TRHDE: variants seen among roughly 807,000 people sequenced by gnomAD.
The protein encoded by TRHDE is thyrotropin releasing hormone degrading enzyme.
TRHDE carries 72 observed loss-of-function variants against 125.7 expected under a neutral mutation model. The observed-to-expected ratio is 0.57, with a 90% CI of 0.47 to 0.70. TRHDE has a LOEUF of 0.70. Among genes scored for constraint, TRHDE ranks in the 30% least tolerant of loss-of-function variants. The pLI, the probability that TRHDE is intolerant of heterozygous loss-of-function variation, is 0.00. For synonymous variants in TRHDE, 509 were observed against 509.1 expected, an observed-to-expected ratio of 1.00 and a Z score of 0.00; for missense variants, 1,110 against 1,327.1, an observed-to-expected ratio of 0.84 and a Z score of 2.54.
intron 1 of TRHDE, among the ~76,000 whole-genome samples, chr12:72,100,938 A>C (rs1453939748): frequency 6.6e-6 from 1 of 152,230 alleles, no homozygotes; most frequent in East Asian, 1.9e-4. Context: ...ATTCATTAGA[A>C]GGCATATTCT....
intron 2 of TRHDE, chr12:72,306,639 A>G (rs917656655): frequency 2.6e-5 from 4 of 152,134 alleles, no homozygotes; most frequent in Non-Finnish European, 5.9e-5. Context: ...ACCAATATTT[A>G]CTTAAATTTT....
In TRHDE at chr12:72,186,630, ATT is replaced by A. The variant is rs34530986; in HGVS notation, n.279+80890_279+80891del. 1.5e-3 allele frequency: 225 copies of A among 151,468 alleles called. 1 individual carries two copies. Among genetic ancestry groups the A allele is most frequent in the African/African-American group, 4.3e-3 (177 of 40,748 alleles). The allele number at this position is 151,468 out of a possible 1,614,324, so 9.4% of individuals were successfully genotyped here. On this transcript the variant is annotated intron_variant and non_coding_transcript_variant, in intron 2 of 4. Transcript: ENST00000548156. Reference sequence around the variant, plus strand: ...ATTTCACTGAAGAAGCAAGGTAAGGATTTTTTTTTTTTTCATAGACAACACAG... The same window carrying A: ...ATTTCACTGAAGAAGCAAGGTAAGGATTTTTTTTTTTCATAGACAACACAG...
At chr12:72,262,319 T>C (rs910789115) in intron 2 of TRHDE, among the ~76,000 whole-genome samples, 2 of 152,168 alleles carry the variant, frequency 1.3e-5, no homozygotes, top group African/African-American at 4.8e-5. Context: ...CTAGAGGGTA[T>C]AGCTCCTGCT....
chr12:72,212,782 T>C (rs554125401), intron 2 of TRHDE, among the ~76,000 whole-genome samples: 5 of 152,252 alleles, frequency 3.3e-5, no homozygotes, highest in South Asian at 2.1e-4. Flanking sequence ...GGCAGTTCCT[T>C]AAAATGCTAA....
At chr12:72,360,656 A>T (rs1470615433) in intron 2 of TRHDE, among the ~76,000 whole-genome samples, 1 of 151,774 alleles carries the variant, frequency 6.6e-6, no homozygotes. Flanking sequence ...TTTGAAGAGA[A>T]ATGGATAATA....
At chr12:72,117,527 T>C (rs1001038327) in intron 2 of TRHDE, among the ~76,000 whole-genome samples, 4 of 152,164 alleles carry the variant, frequency 2.6e-5, no homozygotes, top group African/African-American at 9.6e-5. Context: ...TCCAGTTTTG[T>C]TATTTTTGTT....
At chr12:72,520,618 G>T (rs1251894737) in intron 6 of TRHDE, among the ~76,000 whole-genome samples, 1 of 152,162 alleles carries the variant, frequency 6.6e-6, no homozygotes, top group Non-Finnish European at 1.5e-5. Context: ...TGCTCACGCT[G>T]GGAGCTGTAG....
chr12:72,509,658 T>G lies in TRHDE; in HGVS notation c.1722+10023T>G, dbSNP rs571050629. 6.0e-4 allele frequency among the ~76,000 whole-genome samples: 92 copies of G among 152,328 alleles called. 1 individual carries two copies. The highest frequency in any genetic ancestry group is 2.4e-3 in the Admixed American group (36 of 15,300). ...ACACCTTCAGTCTTTTTCCCACTCA[T>G]TTTTCTTAATCTGATCCTATTATGT... On this transcript the variant is annotated intron_variant, in intron 6 of 18. Transcript: ENST00000261180.
chr12:72,140,441 T>C (rs1876087163), intron 2 of TRHDE: 1 of 152,130 alleles, frequency 6.6e-6, no homozygotes, highest in African/African-American at 2.4e-5. Context: ...GTATCTTATA[T>C]GTATTGATTG....
chr12:72,212,256 G>A (rs1224246848), intron 2 of TRHDE, among the ~76,000 whole-genome samples: 2 of 151,708 alleles, frequency 1.3e-5, no homozygotes, highest in East Asian at 3.9e-4. Context: ...GAACCCAAAT[G>A]TAAGAAGATA....
chr12:72,273,746 C>A lies in TRHDE; in HGVS notation c.914+189C>A. On this transcript the variant is annotated intron_variant, in intron 1 of 18. Transcript: ENST00000261180. The surrounding 1 kb of genome is among the most constrained non-coding windows in gnomAD (Gnocchi z 5.3). ...CCCAGATGCCTCGGGGTCTCGCTGCCGCCAACTTCGCAAACTGACTCACCG... is the reference window on the plus strand; with the variant it reads ...CCCAGATGCCTCGGGGTCTCGCTGCAGCCAACTTCGCAAACTGACTCACCG... 1.8e-6 allele frequency: 1 copy of A among 561,718 alleles called. No homozygotes were observed. The highest frequency in any genetic ancestry group is 3.1e-6 in the Non-Finnish European group (1 of 318,390). The allele number at this position is 561,718 out of a possible 1,614,324, so 34.8% of individuals were successfully genotyped here.
chr12:72,473,749 A>G (rs1876758356), intron 5 of TRHDE, among the ~76,000 whole-genome samples: 1 of 152,072 alleles, frequency 6.6e-6, no homozygotes, highest in Admixed American at 6.6e-5. Context: ...GCATCCTAGA[A>G]GAAAAAGTAG....
intron 6 of TRHDE, among the ~76,000 whole-genome samples, chr12:72,502,785 C>G (rs1878210503): frequency 6.6e-6 from 1 of 152,126 alleles, no homozygotes; most frequent in African/African-American, 2.4e-5. Context: ...AGTACCAAAT[C>G]AAACATCTAA....
chr12:72,555,354 CTCTT>C (rs1185951743), intron 7 of TRHDE, among the ~76,000 whole-genome samples: 2 of 152,070 alleles, frequency 1.3e-5, no homozygotes, highest in Admixed American at 1.3e-4. Flanking sequence ...AATCTGTCAT[CTCTT>C]TCTTTCTTTT....
chr12:72,102,645 G>A (rs1417605023), intron 1 of TRHDE, among the ~76,000 whole-genome samples: 1 of 152,196 alleles, frequency 6.6e-6, no homozygotes, highest in Admixed American at 6.5e-5. Flanking sequence ...AAAGCTTTGG[G>A]AGTTTAAGGG....
At chr12:72,540,287 A>C (rs1188596421) in intron 6 of TRHDE, among the ~76,000 whole-genome samples, 1 of 151,772 alleles carries the variant, frequency 6.6e-6, no homozygotes, top group Non-Finnish European at 1.5e-5. Flanking sequence ...GAGTTATACA[A>C]TATAATATAA....
At chr12:72,567,235 T>C (rs1592541296) in intron 9 of TRHDE, among the ~76,000 whole-genome samples, 1 of 151,994 alleles carries the variant, frequency 6.6e-6, no homozygotes, top group South Asian at 2.1e-4. Context: ...CTATTATAAA[T>C]TGTTTTATTA....
rs1879292644 is a variant in TRHDE at position 72,272,831 on chromosome 12, CG to C, written c.189del (p.Trp64GlyfsTer127). The C allele has an allele frequency of 6.3e-7, 1 of 1,580,356 alleles. No individual in the cohort carries two copies. The highest frequency in any genetic ancestry group is 1.3e-5 in the African/African-American group (1 of 74,604). ...GCTGGCAGCAGGGGGCTCTCCGACC[CG>C]TGGGCAGACTCAGTGGGAGTGCGAC... ...LRAGSRGLSD[P>X]WADSVGVRPR... On this transcript the variant is annotated frameshift_variant, in exon 1 of 19. Transcript: ENST00000261180. LOFTEE classifies it high-confidence loss of function. The surrounding 1 kb of genome is among the most constrained non-coding windows in gnomAD (Gnocchi z 6.7).
At chr12:72,499,346 A>T in intron 5 of TRHDE, 152 bp from the exon 6 acceptor site, 1 of 965,996 alleles carries the variant, frequency 1.0e-6, no homozygotes, top group Non-Finnish European at 1.5e-6. Flanking sequence ...TAACTTAAGG[A>T]GCATTTTTAT....
Sources: gnomAD v4.1 joint callset for allele counts (sites outside exome capture counted in the v4.1 genomes callset) on GRCh38, gnomAD v4.1.1 for gene constraint, Gnocchi (gnomAD v3.1) non-coding constraint, MANE v1.5 for transcripts, NCBI Gene and HGNC (gene_info 2026-07-23, HGNC 2026-07-21) for gene names.